SLC36A2: variants seen among roughly 807,000 people sequenced by gnomAD.
The protein encoded by SLC36A2 is proton-coupled amino acid transporter 2.
In SLC36A2, 39 loss-of-function variants were observed where a neutral mutation model predicts 42.7. The observed-to-expected ratio is 0.91, with a 90% CI of 0.71 to 1.19. The LOEUF (loss-of-function observed/expected upper bound fraction) is 1.19. Ranked by LOEUF, SLC36A2 falls within the 50% of genes most tolerant of loss-of-function variation. The pLI is 0.00. For synonymous variants in SLC36A2, 237 were observed against 240.8 expected (o/e 0.98, Z 0.15); for missense variants, 590 against 613.7 (o/e 0.96, Z 0.41).
In SLC36A2 at chr5:151,344,325, G is replaced by A. The variant is rs897189443; in HGVS notation, c.165-58C>T. 86 of 1,437,950 alleles carry A rather than the reference G, an allele frequency of 6.0e-5. No homozygotes were observed. In the African/African-American group the frequency reaches 1.0e-3, roughly 17 times the overall value. The allele number at this position is 1,437,950 out of a possible 1,614,324, so 89.1% of individuals were successfully genotyped here. A position where few individuals can be genotyped will look rare whatever the true frequency, so the allele number is the denominator to read the frequency against. On this transcript the variant is annotated intron_variant, in intron 1 of 9. Coordinates refer to ENST00000335244, the MANE Select transcript of SLC36A2 (RefSeq NM_181776.3). ...TGTGTGGAGGTGAGAAGATCCAGCG[G>A]TGATTCCCTTGCAGCATGCCAGCAC...
intron 7 of SLC36A2, among the ~76,000 whole-genome samples, chr5:151,328,212 C>T (rs1245191024): frequency 6.6e-6 from 1 of 152,192 alleles, no homozygotes; most frequent in Non-Finnish European, 1.5e-5. Flanking sequence ...GAAGTAAGCA[C>T]ACTTCACAAT....
chr5:151,326,588 G>A (rs1580848921), intron 7 of SLC36A2, among the ~76,000 whole-genome samples: 1 of 152,148 alleles, frequency 6.6e-6, no homozygotes, highest in East Asian at 1.9e-4. Context: ...AATCCAAGTT[G>A]AGGCCAGTCT....
In SLC36A2 at chr5:151,316,705, A is replaced by G. The variant is rs1229641025; in HGVS notation, c.*112T>C. The G allele has an allele frequency of 1.5e-6, 2 of 1,301,082 alleles. No individual in the cohort carries two copies. Among genetic ancestry groups the G allele is most frequent in the African/African-American group, 3.4e-5 (2 of 58,874 alleles). 80.6% of individuals were successfully genotyped at this position (1,301,082 alleles called of 1,614,324 possible). On this transcript the variant is annotated 3_prime_UTR_variant, in exon 10 of 10. Coordinates refer to ENST00000335244, the MANE Select transcript of SLC36A2 (RefSeq NM_181776.3). Reference sequence around the variant, plus strand: ...TGGTGAGCTGAGATCGCATCATTGTACTCCAGTCTGGGCAACAAGACAGAA... The same window carrying G: ...TGGTGAGCTGAGATCGCATCATTGTGCTCCAGTCTGGGCAACAAGACAGAA...
At position 151,343,435 on chromosome 5, in the gene SLC36A2, T is replaced by C. The variant is rs767125791; in HGVS notation, c.344+75A>G. ...AAAACTAAGAAGTAAATTTCTATTA[T>C]GCATAGGATGTTTCTGGGCTATCCC... On this transcript the variant is annotated intron_variant, in intron 3 of 9. Transcript: ENST00000335244. The C allele has an allele frequency of 2.1e-4, 289 of 1,402,886 alleles. 1 individual carries two copies. Among genetic ancestry groups the C allele is most frequent in the South Asian group, 1.0e-3 (89 of 86,944 alleles). The allele number at this position is 1,402,886 out of a possible 1,614,324, so 86.9% of individuals were successfully genotyped here.
intron 7 of SLC36A2, among the ~76,000 whole-genome samples, chr5:151,332,116 C>T (rs190243491): frequency 6.6e-6 from 1 of 152,252 alleles, no homozygotes; most frequent in Admixed American, 6.5e-5. Context: ...ATCTGCCTGC[C>T]TCGGCCTCCC....
chr5:151,338,750 T>A (rs1335421733), intron 5 of SLC36A2: 2 of 268,714 alleles, frequency 7.4e-6, no homozygotes, highest in Non-Finnish European at 1.5e-5. Context: ...CATATCAATT[T>A]TAGAAGCGTT....
At chr5:151,343,469 A>G (rs769634815) in intron 3 of SLC36A2, 41 bp downstream of exon 3, 14 of 1,580,944 alleles carry the variant, frequency 8.9e-6, no homozygotes, top group Admixed American at 5.0e-5. Flanking sequence ...CCTGAGAACC[A>G]TGCACCAAAG....
intron 1 of SLC36A2, among the ~76,000 whole-genome samples, chr5:151,346,401 C>T (rs960908639): frequency 6.6e-6 from 1 of 152,152 alleles, no homozygotes; most frequent in Non-Finnish European, 1.5e-5. Flanking sequence ...TGCAGTGCAC[C>T]CCCGAGAAAC....
At chr5:151,339,275 C>CCACAATCAA (rs1756249960) in intron 4 of SLC36A2, 131 bp from the exon 5 acceptor site, 6 of 629,670 alleles carry the variant, frequency 9.5e-6, no homozygotes, top group South Asian at 9.0e-5. Context: ...GGTCCTTCCA[C>CCACAATCAA]CACAATCAAC....
chr5:151,334,056 C>T (rs1055542342), intron 6 of SLC36A2, among the ~76,000 whole-genome samples: 25 of 152,062 alleles, frequency 1.6e-4, no homozygotes, highest in Non-Finnish European at 3.5e-4. Context: ...GGGGAGAAGA[C>T]TGTGTAGAAT....
At chr5:151,343,732 C>T (rs2127299849) in intron 2 of SLC36A2, 134 bp from the exon 3 acceptor site, 1 of 712,866 alleles carries the variant, frequency 1.4e-6, no homozygotes, top group Non-Finnish European at 2.4e-6. Context: ...GTTTAAAGCC[C>T]TTTTGTAGCA....
chr5:151,332,378 C>T (rs1471758691), intron 7 of SLC36A2: 1 of 454,848 alleles, frequency 2.2e-6, no homozygotes, highest in Non-Finnish European at 4.4e-6. Flanking sequence ...AAATTGCCAA[C>T]AAGCAAATGA....
At position 151,347,485 on chromosome 5, in the gene SLC36A2, G is replaced by A. The variant is rs763834918; in HGVS notation, c.-25C>T. On this transcript the variant is annotated 5_prime_UTR_variant, in exon 1 of 10. Coordinates refer to ENST00000335244, the MANE Select transcript of SLC36A2 (RefSeq NM_181776.3). ...TGACTGCTTAAGAAACAAGGAGCTC[G>A]GGGTGACAAAGAGGTCTGCTCTGGA... The A allele has an allele frequency of 1.2e-5, 20 of 1,612,584 alleles. No homozygotes were observed. The highest frequency in any genetic ancestry group is 2.2e-5 in the South Asian group (2 of 91,020).
intron 6 of SLC36A2, among the ~76,000 whole-genome samples, chr5:151,334,225 G>A (rs1443723504): frequency 6.6e-6 from 1 of 152,180 alleles, no homozygotes; most frequent in Non-Finnish European, 1.5e-5. Context: ...TAAGGTATGT[G>A]AGGCTGATCT....
intron 7 of SLC36A2, among the ~76,000 whole-genome samples, chr5:151,327,690 C>G (rs1446929054): frequency 6.6e-6 from 1 of 152,180 alleles, no homozygotes; most frequent in African/African-American, 2.4e-5. Context: ...TGCATATATT[C>G]TCAAGGCCAA....
Position 151,332,346 on chromosome 5 carries a change from T to G in SLC36A2, c.843+878A>C, listed in dbSNP as rs147632406. On this transcript the variant is annotated intron_variant, in intron 7 of 9. Transcript: ENST00000335244. ...AATTAAAAATAAGCAAAGGACTTGA[T>G]GTTTCTCCAAAGAAGATGTGCAAAT... 888 of 451,804 alleles carry G rather than the reference T, an allele frequency of 2.0e-3. 6 individuals are homozygous for G. The highest frequency in any genetic ancestry group is 0.016 in the African/African-American group (802 of 50,022). The allele number at this position is 451,804 out of a possible 1,614,324, so 28.0% of individuals were successfully genotyped here.
At chr5:151,327,885 T>C (rs7736940) in intron 7 of SLC36A2, among the ~76,000 whole-genome samples, 8,675 of 152,252 alleles carry the variant, frequency 0.057, 814 homozygotes, top group African/African-American at 0.2. Context: ...TAGCTGGTGA[T>C]CTAACTGAAG....
chr5:151,329,922 T>C (rs1350432414), intron 7 of SLC36A2, among the ~76,000 whole-genome samples: 2 of 152,040 alleles, frequency 1.3e-5, no homozygotes, highest in Non-Finnish European at 2.9e-5. Context: ...AAAACCTGTA[T>C]GTATGGAGGG....
rs1338218287 is a variant in SLC36A2 at position 151,347,259 on chromosome 5, A to G, written c.164+38T>C. On this transcript the variant is annotated intron_variant, in intron 1 of 9. Coordinates refer to ENST00000335244, the MANE Select transcript of SLC36A2 (RefSeq NM_181776.3). The stretch of plus-strand genomic sequence containing the variant: ...TTTTTGCCAATGCAAGCTTCAGGCT[A>G]GAAAGCAGAAATAGGGATGGCAGAA... 1.9e-6 allele frequency: 3 copies of G among 1,613,226 alleles called. No homozygotes were observed. In the South Asian group the frequency reaches 3.3e-5, roughly 18 times the overall value.
Sources: gnomAD v4.1 joint callset for allele counts (sites outside exome capture counted in the v4.1 genomes callset) on GRCh38, gnomAD v4.1.1 for gene constraint, MANE v1.5 for transcripts, NCBI Gene and HGNC (gene_info 2026-07-23, HGNC 2026-07-21) for gene names.